The following NREP variants were observed in gnomAD, a reference collection of about 807,000 sequenced individuals.
NREP encodes the protein neuronal regeneration related protein.
In NREP, 5 loss-of-function variants were observed where a neutral mutation model predicts 8.6. That is an observed-to-expected ratio of 0.58 (90% CI 0.30 to 1.22). The LOEUF is 1.22. Among genes scored for constraint, NREP ranks in the 50% most tolerant of loss-of-function variants. The pLI, the probability that NREP is intolerant of heterozygous loss-of-function variation, is 0.07. For synonymous variants in NREP, 27 were observed against 28.0 expected (o/e 0.96, Z 0.11); for missense variants, 86 against 82.5 (o/e 1.04, Z -0.17).
chr5:111,837,205 A>G (rs1218811519), intron 2 of NREP, among the ~76,000 whole-genome samples: 1 of 152,084 alleles, frequency 6.6e-6, no homozygotes, highest in Non-Finnish European at 1.5e-5. Flanking sequence ...TACATTTCCT[A>G]CAATCAAGAA....
intron 2 of NREP, among the ~76,000 whole-genome samples, chr5:111,946,595 G>A (rs1755991304): frequency 6.6e-6 from 1 of 151,976 alleles, no homozygotes; most frequent in East Asian, 1.9e-4. Context: ...TTCTAGTAAA[G>A]TCACATGTAA....
At chr5:111,952,268 G>C (rs1175838303) in intron 2 of NREP, among the ~76,000 whole-genome samples, 6 of 152,076 alleles carry the variant, frequency 3.9e-5, no homozygotes, top group Non-Finnish European at 8.8e-5. Flanking sequence ...CTACACCTAA[G>C]GCCAGCCAGT....
At chr5:111,844,666 ATT>A (rs1491216019) in intron 2 of NREP, among the ~76,000 whole-genome samples, 4 of 144,484 alleles carry the variant, frequency 2.8e-5, no homozygotes, top group Admixed American at 2.8e-4. Context: ...TATTATATAT[ATT>A]ATATATATAT....
chr5:111,863,916 G>A (rs1753607271), intron 2 of NREP, among the ~76,000 whole-genome samples: 1 of 152,116 alleles, frequency 6.6e-6, no homozygotes, highest in African/African-American at 2.4e-5. Context: ...CCAACTGCAA[G>A]TGTTCCAAGA....
chr5:111,821,727 TTCTC>T (rs1752519012), intron 2 of NREP, among the ~76,000 whole-genome samples: 1 of 152,178 alleles, frequency 6.6e-6, no homozygotes, highest in South Asian at 2.1e-4. Context: ...CTTTCTCCCT[TTCTC>T]TCTTCACCAA....
At chr5:111,872,936 TG>T in intron 2 of NREP, among the ~76,000 whole-genome samples, 1 of 152,272 alleles carries the variant, frequency 6.6e-6, no homozygotes, top group East Asian at 1.9e-4. Flanking sequence ...TTTCACAGGC[TG>T]GGGAACCATC....
intron 2 of NREP, among the ~76,000 whole-genome samples, chr5:111,794,719 T>G (rs1208377462): frequency 3.9e-5 from 6 of 152,142 alleles, no homozygotes; most frequent in Non-Finnish European, 5.9e-5. Flanking sequence ...TGTTTAGGAC[T>G]GTGAAAATAC....
At chr5:111,971,010 C>G (rs573516920) in intron 2 of NREP, among the ~76,000 whole-genome samples, 7 of 152,070 alleles carry the variant, frequency 4.6e-5, no homozygotes, top group African/African-American at 1.7e-4. Context: ...TTAGGTGTTC[C>G]GATGTGATGT....
intron 2 of NREP, among the ~76,000 whole-genome samples, chr5:111,939,486 C>T (rs1755771577): frequency 6.6e-6 from 1 of 151,986 alleles, no homozygotes; most frequent in East Asian, 1.9e-4. Context: ...TGCCTACTCA[C>T]TTAAATTTAT....
intron 2 of NREP, among the ~76,000 whole-genome samples, chr5:111,832,116 A>T (rs1396583867): frequency 6.6e-6 from 1 of 152,110 alleles, no homozygotes; most frequent in Non-Finnish European, 1.5e-5. Context: ...GAACATAAAA[A>T]CTTTGTGGCA....
At chr5:111,898,404 C>G (rs1318339392) in intron 2 of NREP, among the ~76,000 whole-genome samples, 1 of 152,152 alleles carries the variant, frequency 6.6e-6, no homozygotes, top group African/African-American at 2.4e-5. Context: ...AGGACTGAAT[C>G]TCAAAGTTTC....
chr5:111,751,919 C>T (rs972773784), intron 2 of NREP, among the ~76,000 whole-genome samples: 1 of 152,140 alleles, frequency 6.6e-6, no homozygotes, highest in African/African-American at 2.4e-5. Flanking sequence ...AAATGTAGGA[C>T]CACGAAGTTA....
At chr5:111,829,462 A>G (rs1752710340) in intron 2 of NREP, among the ~76,000 whole-genome samples, 1 of 152,166 alleles carries the variant, frequency 6.6e-6, no homozygotes, top group Non-Finnish European at 1.5e-5. Context: ...GCCCATAAAG[A>G]CAATGTAATG....
intron 2 of NREP, among the ~76,000 whole-genome samples, chr5:111,838,559 G>C (rs1252170767): frequency 6.6e-6 from 1 of 152,076 alleles, no homozygotes; most frequent in Non-Finnish European, 1.5e-5. Flanking sequence ...GATCAAAACT[G>C]AGATTTTCTT....
intron 2 of NREP, among the ~76,000 whole-genome samples, chr5:111,793,892 T>G (rs1328338702): frequency 1.3e-5 from 2 of 151,948 alleles, no homozygotes; most frequent in African/African-American, 4.8e-5. Flanking sequence ...GCCCCTGTCT[T>G]TATAAAAAAA....
upstream of NREP, chr5:111,758,105 T>TCGGGTCGGACCCTGCCC: frequency 3.0e-6 from 3 of 985,496 alleles, no homozygotes; most frequent in Non-Finnish European, 3.6e-6. Flanking sequence ...GCACACGGCC[T>TCGGGTCGGACCCTGCCC]CGGGTCGGAC....
chr5:111,908,016 A>T (rs1221346938), intron 2 of NREP, among the ~76,000 whole-genome samples: 1 of 152,112 alleles, frequency 6.6e-6, no homozygotes, highest in Admixed American at 6.6e-5. Flanking sequence ...TAAAGACAAC[A>T]GTAAGCTAGG....
chr5:111,877,597 T>C (rs568041467), intron 2 of NREP, among the ~76,000 whole-genome samples: 1 of 152,278 alleles, frequency 6.6e-6, no homozygotes, highest in African/African-American at 2.4e-5. Context: ...GAAATGAAAA[T>C]CTTATGTGCA....
At chr5:111,908,380 G>A (rs1494588) in intron 2 of NREP, among the ~76,000 whole-genome samples, 1 of 151,704 alleles carries the variant, frequency 6.6e-6, no homozygotes, top group Non-Finnish European at 1.5e-5. Context: ...ATCCCATCAC[G>A]CAGGTAGTAA....
Sources: allele counts gnomAD v4.1 joint callset (sites outside exome capture counted in the v4.1 genomes callset), GRCh38; gene constraint gnomAD v4.1.1; transcripts MANE v1.5; gene names NCBI Gene and HGNC (gene_info 2026-07-23, HGNC 2026-07-21).